KCNB2: variants seen among roughly 807,000 people sequenced by gnomAD.
The protein encoded by KCNB2 is potassium voltage-gated channel subfamily B member 2, also known as delayed rectifier potassium channel protein.
In KCNB2, 15 loss-of-function variants were observed where a neutral mutation model predicts 61.5. The observed-to-expected ratio is 0.24, with a 90% CI of 0.16 to 0.38. KCNB2 has a LOEUF of 0.38. KCNB2 is among the 10% of genes least tolerant of loss of function. KCNB2 has a pLI of 1.00. For synonymous variants in KCNB2, 457 were observed against 446.0 expected, an observed-to-expected ratio of 1.02 and a Z score of -0.31; for missense variants, 828 against 1,125.2, an observed-to-expected ratio of 0.74 and a Z score of 3.78.
chr8:72,860,899 A>T (rs751509419), intron 2 of KCNB2, among the ~76,000 whole-genome samples: 19 of 152,226 alleles, frequency 1.2e-4, no homozygotes, highest in Admixed American at 2.6e-4. Context: ...GTTGTTTTTA[A>T]TGTGTGTGTA....
In KCNB2 at chr8:72,660,962, G is replaced by A. The variant is rs559659706; in HGVS notation, c.579+92649G>A. On this transcript the variant is annotated intron_variant, in intron 2 of 2. Coordinates refer to ENST00000523207, the MANE Select transcript of KCNB2 (RefSeq NM_004770.3). Reference sequence around the variant, plus strand: ...TTAAGATTTCTAATTTGATCATTAAGTGCATCCATTATTTTGTCTTATTCA... The same window carrying A: ...TTAAGATTTCTAATTTGATCATTAAATGCATCCATTATTTTGTCTTATTCA... The A allele has an allele frequency of 3.3e-5, 5 of 152,234 alleles. No homozygotes were observed. The East Asian group carries it at 7.7e-4, about 23-fold the overall frequency. The allele number at this position is 152,234 out of a possible 1,614,324, so 9.4% of individuals were successfully genotyped here.
chr8:72,900,251 C>A (rs756389400), intron 2 of KCNB2, among the ~76,000 whole-genome samples: 3 of 152,132 alleles, frequency 2.0e-5, no homozygotes, highest in Non-Finnish European at 1.5e-5. Context: ...AAGGAAAGAA[C>A]TCCCTATTCA....
At chr8:72,559,102 G>A (rs78396207) in intron 1 of KCNB2, among the ~76,000 whole-genome samples, 5,740 of 151,576 alleles carry the variant, frequency 0.038, 359 homozygotes, top group African/African-American at 0.13. Flanking sequence ...ATAGTGTTGT[G>A]TCTTTTTCTT....
chr8:72,559,507 C>A (rs1806480031), intron 1 of KCNB2, among the ~76,000 whole-genome samples: 1 of 152,110 alleles, frequency 6.6e-6, no homozygotes, highest in African/African-American at 2.4e-5. Context: ...AGAGATGGCC[C>A]TGACCTGCTG....
chr8:72,749,385 G>A (rs1267115693), intron 2 of KCNB2: 1 of 151,810 alleles, frequency 6.6e-6, no homozygotes, highest in Admixed American at 6.6e-5. Flanking sequence ...ACTCAGCAAG[G>A]GATTCCAAGA....
At chr8:72,720,413 G>A (rs2128992704) in intron 2 of KCNB2, among the ~76,000 whole-genome samples, 1 of 152,244 alleles carries the variant, frequency 6.6e-6, no homozygotes. Context: ...ATTTCCCTCA[G>A]AGTGTGTCTT....
chr8:72,609,395 T>C (rs1365306561), intron 2 of KCNB2, among the ~76,000 whole-genome samples: 1 of 152,244 alleles, frequency 6.6e-6, no homozygotes. Flanking sequence ...AGTCAACACT[T>C]CTTTTTCAAG....
At position 72,918,439 on chromosome 8, in the gene KCNB2, C is replaced by T. The variant is rs12550760; in HGVS notation, c.580-17496C>T. ...GAATTTGTTTTGCTAAGCTTAATGTCTTAGAAAATAAGATAAAGAAAGCCT... is the reference window on the plus strand; with the variant it reads ...GAATTTGTTTTGCTAAGCTTAATGTTTTAGAAAATAAGATAAAGAAAGCCT... On this transcript the variant is annotated intron_variant, in intron 2 of 2. Transcript: ENST00000523207. 3.7e-3 allele frequency among the ~76,000 whole-genome samples: 567 copies of T among 152,132 alleles called. 15 individuals are homozygous for T. Among genetic ancestry groups the T allele is most frequent in the Admixed American group, 0.027 (414 of 15,274 alleles).
At chr8:72,832,621 A>T (rs552821569) in intron 2 of KCNB2, among the ~76,000 whole-genome samples, 1 of 152,322 alleles carries the variant, frequency 6.6e-6, no homozygotes, top group African/African-American at 2.4e-5. Context: ...CTGAGACTTA[A>T]CCCGCTTCCA....
chr8:72,861,013 T>C lies in KCNB2; in HGVS notation c.580-74922T>C, dbSNP rs186716864. Among the ~76,000 whole-genome samples the C allele has an allele frequency of 1.5e-3, 231 of 152,350 alleles. 2 individuals carry two copies. Among genetic ancestry groups the C allele is most frequent in the Middle Eastern group, 3.4e-3 (1 of 294 alleles). On this transcript the variant is annotated intron_variant, in intron 2 of 2. Coordinates refer to ENST00000523207, the MANE Select transcript of KCNB2 (RefSeq NM_004770.3). ...CATACTGTAGCTTCTCACAAATTAG[T>C]ACATTACTAACTGAATTATCTGGCT...
At chr8:72,591,627 G>A (rs926152503) in intron 2 of KCNB2, among the ~76,000 whole-genome samples, 5 of 152,000 alleles carry the variant, frequency 3.3e-5, no homozygotes, top group African/African-American at 1.2e-4. Flanking sequence ...AAATTTTCCT[G>A]TTCACTAGAC....
At chr8:72,778,772 GAAAGAAAAAGA>G (rs1477299380) in intron 2 of KCNB2, among the ~76,000 whole-genome samples, 2,561 of 80,166 alleles carry the variant, frequency 0.032, 66 homozygotes, top group Non-Finnish European at 0.045. Context: ...AAGAAAGAAA[GAAAGAAAAAGA>G]AAAGAAAAGA....
intron 2 of KCNB2, among the ~76,000 whole-genome samples, chr8:72,636,608 C>T (rs1347729402): frequency 2.6e-5 from 4 of 152,064 alleles, no homozygotes; most frequent in Non-Finnish European, 4.4e-5. Context: ...ATACGTGGCT[C>T]AGAGAGGTTA....
intron 2 of KCNB2, among the ~76,000 whole-genome samples, chr8:72,608,897 T>C (rs775136549): frequency 1.3e-5 from 2 of 152,104 alleles, no homozygotes; most frequent in Non-Finnish European, 2.9e-5. Flanking sequence ...CATCCAAAGA[T>C]CATAAAAGGA....
chr8:72,635,510 C>T (rs1266518529), intron 2 of KCNB2, among the ~76,000 whole-genome samples: 2 of 152,112 alleles, frequency 1.3e-5, no homozygotes, highest in African/African-American at 4.8e-5. Flanking sequence ...ATATGAAGCC[C>T]AGTGTCGAAT....
chr8:72,632,113 A>G (rs999563515), intron 2 of KCNB2, among the ~76,000 whole-genome samples: 2 of 151,936 alleles, frequency 1.3e-5, no homozygotes, highest in Non-Finnish European at 2.9e-5. Flanking sequence ...GGATGTGATC[A>G]CATGCACCTG....
At chr8:72,663,953 T>C (rs909766348) in intron 2 of KCNB2, among the ~76,000 whole-genome samples, 6 of 152,200 alleles carry the variant, frequency 3.9e-5, no homozygotes, top group Non-Finnish European at 5.9e-5. Flanking sequence ...AAATAAATGG[T>C]CCTCCTCCTT....
At chr8:72,865,607 G>A (rs112192748) in intron 2 of KCNB2, among the ~76,000 whole-genome samples, 2,607 of 152,116 alleles carry the variant, frequency 0.017, 66 homozygotes, top group African/African-American at 0.052. Flanking sequence ...CCCCTCCTTC[G>A]TTGCTTACAT....
intron 2 of KCNB2, among the ~76,000 whole-genome samples, chr8:72,678,696 C>T (rs534416366): frequency 5.3e-4 from 81 of 152,274 alleles, no homozygotes; most frequent in African/African-American, 1.3e-3. Context: ...AGATTTATGA[C>T]GTCAGGGATT....
Sources: gnomAD v4.1 joint callset for allele counts (sites outside exome capture counted in the v4.1 genomes callset) on GRCh38, gnomAD v4.1.1 for gene constraint, MANE v1.5 for transcripts, NCBI Gene and HGNC (gene_info 2026-07-23, HGNC 2026-07-21) for gene names.